The following ARHGEF3 variants were observed in gnomAD, a reference collection of about 807,000 sequenced individuals.
ARHGEF3 encodes the protein 59.8 kDA protein.
Under a neutral mutation model 63.2 loss-of-function variants are expected in ARHGEF3, and 28 were observed. The ratio of observed to expected loss-of-function variants is 0.44; its 90% CI spans 0.33 to 0.61. The LOEUF (loss-of-function observed/expected upper bound fraction) is 0.61, where lower values mean the gene tolerates loss of function less well. Among genes scored for constraint, ARHGEF3 ranks in the 20% least tolerant of loss-of-function variants. ARHGEF3 has a pLI of 0.03. For synonymous variants in ARHGEF3, 266 were observed against 254.2 expected (o/e 1.05, Z -0.44); for missense variants, 533 against 659.3 (o/e 0.81, Z 2.10).
At chr3:57,053,890 T>C (rs1281533194) in intron 1 of ARHGEF3, among the ~76,000 whole-genome samples, 2 of 152,228 alleles carry the variant, frequency 1.3e-5, no homozygotes, top group African/African-American at 4.8e-5. Context: ...CCAAATTTAC[T>C]TATATATATG....
At chr3:56,965,029 G>A (rs975805372) in intron 2 of ARHGEF3, among the ~76,000 whole-genome samples, 1 of 152,118 alleles carries the variant, frequency 6.6e-6, no homozygotes, top group Non-Finnish European at 1.5e-5. Flanking sequence ...AAGGAAGGAG[G>A]ATCGCTTGAG....
At chr3:56,833,131 T>C (rs1181406030) in intron 4 of ARHGEF3, among the ~76,000 whole-genome samples, 1 of 152,224 alleles carries the variant, frequency 6.6e-6, no homozygotes, top group Non-Finnish European at 1.5e-5. Context: ...TTGTGTCATA[T>C]GGTAACACTA....
At chr3:56,883,357 TG>T (rs559189095) in intron 3 of ARHGEF3, among the ~76,000 whole-genome samples, 22 of 151,770 alleles carry the variant, frequency 1.4e-4, no homozygotes, top group African/African-American at 5.3e-4. Context: ...TGGAGTGCAG[TG>T]GTGTGAACAC....
chr3:56,979,536 A>T (rs116203874), intron 2 of ARHGEF3, among the ~76,000 whole-genome samples: 1 of 152,330 alleles, frequency 6.6e-6, no homozygotes, highest in East Asian at 1.9e-4. Flanking sequence ...GAGACAAGGC[A>T]CAGGCCCAGG....
intron 2 of ARHGEF3, chr3:57,007,225 G>A: frequency 7.8e-7 from 1 of 1,289,476 alleles, no homozygotes; most frequent in Non-Finnish European, 1.0e-6. Flanking sequence ...TCGAAGGTGG[G>A]GGGGTCAATA....
chr3:57,050,434 T>TCA (rs1704624450), intron 1 of ARHGEF3, among the ~76,000 whole-genome samples: 1 of 152,168 alleles, frequency 6.6e-6, no homozygotes, highest in African/African-American at 2.4e-5. Context: ...AGCTCTATGC[T>TCA]GCCTATGGCT....
At chr3:57,036,286 T>C (rs1703959686) in intron 1 of ARHGEF3, among the ~76,000 whole-genome samples, 1 of 152,126 alleles carries the variant, frequency 6.6e-6, no homozygotes. Flanking sequence ...GCTGTGAGTT[T>C]CATGTCACAA....
At chr3:57,013,886 A>G (rs1229360678) in intron 2 of ARHGEF3, among the ~76,000 whole-genome samples, 2 of 152,220 alleles carry the variant, frequency 1.3e-5, no homozygotes, top group Non-Finnish European at 2.9e-5. Context: ...GTGGGGCCAG[A>G]TAAGGGAATA....
intron 4 of ARHGEF3, among the ~76,000 whole-genome samples, chr3:56,812,614 A>G (rs1003483928): frequency 2.6e-5 from 4 of 152,196 alleles, no homozygotes; most frequent in African/African-American, 9.7e-5. Flanking sequence ...CCATGCTCAC[A>G]CCTAATGCCA....
At chr3:56,859,789 C>T (rs1213748353) in intron 4 of ARHGEF3, among the ~76,000 whole-genome samples, 2 of 151,676 alleles carry the variant, frequency 1.3e-5, no homozygotes, top group Non-Finnish European at 2.9e-5. Flanking sequence ...CTGCCCACCT[C>T]GGTCTCCCAA....
intron 2 of ARHGEF3, among the ~76,000 whole-genome samples, chr3:56,971,617 C>A (rs904667908): frequency 6.6e-6 from 1 of 151,256 alleles, no homozygotes; most frequent in South Asian, 2.1e-4. Flanking sequence ...TTTGGGAGGC[C>A]GAGGTGGGTG....
intron 2 of ARHGEF3, among the ~76,000 whole-genome samples, chr3:56,997,581 G>T (rs562853813): frequency 6.6e-6 from 1 of 151,992 alleles, no homozygotes; most frequent in Non-Finnish European, 1.5e-5. Flanking sequence ...GGCTGACTCC[G>T]CGCAGATCTA....
chr3:56,778,806 G>A (rs1468122715), intron 1 of ARHGEF3, among the ~76,000 whole-genome samples: 1 of 152,138 alleles, frequency 6.6e-6, no homozygotes, highest in South Asian at 2.1e-4. Context: ...AAGTGCTGGG[G>A]ATTACAGGGT....
intron 4 of ARHGEF3, among the ~76,000 whole-genome samples, chr3:56,860,836 T>C (rs2108188035): frequency 6.6e-6 from 1 of 152,184 alleles, no homozygotes; most frequent in East Asian, 1.9e-4. Context: ...ACGTGATTAA[T>C]ACGTGCCAAG....
At chr3:57,075,266 T>C (rs1343931841) in intron 1 of ARHGEF3, 1 of 167,092 alleles carries the variant, frequency 6.0e-6, no homozygotes, top group African/African-American at 2.4e-5. Context: ...TCACATCTTA[T>C]TACTGATCTA....
intron 3 of ARHGEF3, chr3:56,958,720 C>T: frequency 3.2e-6 from 4 of 1,237,444 alleles, no homozygotes. Flanking sequence ...CTGATGGAGA[C>T]TTTGATTAGT....
chr3:57,044,565 G>A (rs1704364115), intron 1 of ARHGEF3, among the ~76,000 whole-genome samples: 1 of 152,230 alleles, frequency 6.6e-6, no homozygotes, highest in Non-Finnish European at 1.5e-5. Flanking sequence ...GCAGCCTACA[G>A]GTTTGGTGCT....
chr3:57,017,779 C>A (rs916605459), intron 2 of ARHGEF3, among the ~76,000 whole-genome samples: 5 of 152,334 alleles, frequency 3.3e-5, no homozygotes, highest in African/African-American at 1.2e-4. Context: ...AGGAGAGTGG[C>A]CCATTCACGC....
chr3:57,031,256 A>G (rs141492190), intron 2 of ARHGEF3, among the ~76,000 whole-genome samples: 2,022 of 152,320 alleles, frequency 0.013, 20 homozygotes, highest in Admixed American at 0.028. Flanking sequence ...AGAGACACTA[A>G]AAAGATAAAT....
Sources: gnomAD v4.1 joint callset for allele counts (sites outside exome capture counted in the v4.1 genomes callset) on GRCh38, gnomAD v4.1.1 for gene constraint, MANE v1.5 for transcripts, NCBI Gene and HGNC (gene_info 2026-07-23, HGNC 2026-07-21) for gene names.